BNIP1: variants seen among roughly 807,000 people sequenced by gnomAD.
BNIP1 encodes vesicle transport protein SEC20.
In BNIP1, 25 loss-of-function variants were observed where a neutral mutation model predicts 28.5. That is an observed-to-expected ratio of 0.88 (90% confidence interval 0.64 to 1.23). The LOEUF is 1.23. BNIP1 is among the 50% of genes most tolerant of loss of function. The pLI is 0.00. For missense variants in BNIP1, 276 were observed against 277.0 expected (o/e 1.00, Z 0.02); for synonymous variants, 118 against 101.7 (o/e 1.16, Z -0.96).
chr5:173,149,788 G>T (rs1022336029), intron 2 of BNIP1, among the ~76,000 whole-genome samples: 10 of 152,210 alleles, frequency 6.6e-5, no homozygotes, highest in African/African-American at 2.4e-4. Flanking sequence ...GCAGGAGCAA[G>T]AGAGAGATTG....
At chr5:173,160,499 G>T (rs1381445493) in intron 5 of BNIP1, among the ~76,000 whole-genome samples, 1 of 152,170 alleles carries the variant, frequency 6.6e-6, no homozygotes, top group Non-Finnish European at 1.5e-5. Context: ...CTCCCAAAGT[G>T]CTGGGATTAT....
At chr5:173,160,876 T>C in intron 5 of BNIP1, 1 of 456,264 alleles carries the variant, frequency 2.2e-6, no homozygotes, top group Non-Finnish European at 4.4e-6. Flanking sequence ...CTTGAGACCA[T>C]CTGGTTTCCT....
chr5:173,154,646 C>G (rs995802677), intron 3 of BNIP1, among the ~76,000 whole-genome samples: 1 of 152,092 alleles, frequency 6.6e-6, no homozygotes, highest in African/African-American at 2.4e-5. Context: ...CCTCAGCCTC[C>G]TGAGTAGCTG....
intron 2 of BNIP1, 136 bp downstream of exon 2, chr5:173,147,094 C>T: frequency 1.5e-6 from 1 of 652,300 alleles, no homozygotes. Flanking sequence ...TCTGTACTAA[C>T]CTGCTCTCCA....
In BNIP1 at chr5:173,146,855, A is replaced by T. The variant is rs762078545; in HGVS notation, c.85-11A>T. Reference sequence around the variant, plus strand: ...TTGAGAAAGGCCTTTCATCTGTTCAATGTCTCCTAGGATATCCGTGATTGT... The same window carrying T: ...TTGAGAAAGGCCTTTCATCTGTTCATTGTCTCCTAGGATATCCGTGATTGT... On this transcript the variant is annotated splice_polypyrimidine_tract_variant and intron_variant, in intron 1 of 5. Coordinates refer to ENST00000351486, the MANE Select transcript of BNIP1 (RefSeq NM_001205.3). 2 of 1,605,786 alleles carry T rather than the reference A, an allele frequency of 1.2e-6. No homozygotes were observed. The highest frequency in any genetic ancestry group is 2.2e-5 in the South Asian group (2 of 90,922).
chr5:173,146,531 G>T (rs1561592375), intron 1 of BNIP1, among the ~76,000 whole-genome samples: 2 of 152,160 alleles, frequency 1.3e-5, no homozygotes, highest in Non-Finnish European at 2.9e-5. Context: ...TATCACTTTT[G>T]CATGTCCATT....
chr5:173,154,172 T>C (rs1044537888), intron 2 of BNIP1, 150 bp from the exon 3 acceptor site: 7 of 599,554 alleles, frequency 1.2e-5, no homozygotes, highest in Non-Finnish European at 2.1e-5. Flanking sequence ...TAAAAGGATG[T>C]GTGTTATATG....
rs1760445156 is a variant in BNIP1, at chr5:173,164,148, C to T, written c.*227C>T. 2 of 399,038 alleles carry T rather than the reference C, an allele frequency of 5.0e-6. No homozygotes were observed. Among genetic ancestry groups the T allele is most frequent in the Non-Finnish European group, 8.9e-6 (2 of 225,968 alleles). The allele number at this position is 399,038 out of a possible 1,614,324, so 24.7% of individuals were successfully genotyped here. Reference sequence around the variant, plus strand: ...ATTGGGATGCCGCCCTGGGGACATACGAACCGCCTCCTTCCACCATTGTGC... The same window carrying T: ...ATTGGGATGCCGCCCTGGGGACATATGAACCGCCTCCTTCCACCATTGTGC... On this transcript the variant is annotated 3_prime_UTR_variant, in exon 6 of 6. Transcript: ENST00000351486. This position sits in a 1 kb window ranked among gnomAD's most constrained non-coding sequence, Gnocchi z 4.0.
At chr5:173,147,917 G>T (rs1452805061) in intron 2 of BNIP1, among the ~76,000 whole-genome samples, 1 of 150,550 alleles carries the variant, frequency 6.6e-6, no homozygotes, top group Non-Finnish European at 1.5e-5. Context: ...GCAAAAATTA[G>T]CTGGGCATGG....
chr5:173,156,854 T>C (rs1052940710), intron 3 of BNIP1, among the ~76,000 whole-genome samples: 1 of 151,510 alleles, frequency 6.6e-6, no homozygotes, highest in Non-Finnish European at 1.5e-5. Flanking sequence ...TTCTCCGTGT[T>C]AGCCAGGACG....
At chr5:173,160,239 CT>C (rs10693152) in intron 5 of BNIP1, among the ~76,000 whole-genome samples, 188 bp downstream of exon 5, 64 of 145,668 alleles carry the variant, frequency 4.4e-4, no homozygotes, top group Admixed American at 6.2e-4. Context: ...TCCTATTTCT[CT>C]TTTTTTTTTT....
In BNIP1 at chr5:173,146,880, T is replaced by C; in HGVS notation, c.99T>C (p.Cys33=). 6.2e-7 allele frequency: 1 copy of C among 1,613,768 alleles called. No homozygotes were observed. The highest frequency in any genetic ancestry group is 8.5e-7 in the Non-Finnish European group (1 of 1,179,678). The change falls in exon 2 of 6, where the codon TGT becomes TGC. Residue 33 remains cysteine (C), a synonymous_variant. Coordinates refer to ENST00000351486, the MANE Select transcript of BNIP1 (RefSeq NM_001205.3). ...ATGTCTCCTAGGATATCCGTGATTG[T>C]TCAGGACCCTTAAGTGCTCTTACTG... is the stretch of plus-strand genomic sequence containing the variant. ...VKALIQDIRD[C]SGPLSALTEL... is the part of the protein sequence containing the mutation.
intron 1 of BNIP1, among the ~76,000 whole-genome samples, chr5:173,145,234 C>G (rs1759798320): frequency 6.6e-6 from 1 of 152,126 alleles, no homozygotes. Flanking sequence ...AGGAATAACA[C>G]CTTAGAGTGT....
chr5:173,150,466 T>G (rs1180544279), intron 2 of BNIP1, among the ~76,000 whole-genome samples: 1 of 152,144 alleles, frequency 6.6e-6, no homozygotes, highest in African/African-American at 2.4e-5. Context: ...ATGTGTAATT[T>G]TTGCTATTGG....
chr5:173,154,558 T>C (rs948992323), intron 3 of BNIP1, 145 bp downstream of exon 3: 3 of 637,860 alleles, frequency 4.7e-6, no homozygotes, highest in African/African-American at 1.9e-5. Flanking sequence ...TGTCTCGCTC[T>C]ATTGCCCAGG....
intron 2 of BNIP1, among the ~76,000 whole-genome samples, chr5:173,152,475 G>A (rs1337299040): frequency 4.0e-5 from 6 of 151,582 alleles, no homozygotes; most frequent in Non-Finnish European, 7.4e-5. Context: ...TCAGCCTCCC[G>A]AGTACCTGGG....
chr5:173,164,241 C>G lies in BNIP1; in HGVS notation c.*320C>G. 4.4e-6 allele frequency: 1 copy of G among 228,376 alleles called. No homozygotes were observed. Among genetic ancestry groups the G allele is most frequent in the Non-Finnish European group, 8.5e-6 (1 of 118,038 alleles). The allele number at this position is 228,376 out of a possible 1,614,324, so 14.1% of individuals were successfully genotyped here. On this transcript the variant is annotated 3_prime_UTR_variant, in exon 6 of 6. Coordinates refer to ENST00000351486, the MANE Select transcript of BNIP1 (RefSeq NM_001205.3). This position sits in a 1 kb window ranked among gnomAD's most constrained non-coding sequence, Gnocchi z 4.0. ...CTCCAGGACCGGATGCCCCTCCTGT[C>G]TCCCGCTCCCATCGTGCCCTTAAAT...
At chr5:173,156,584 G>A (rs139258678) in intron 3 of BNIP1, among the ~76,000 whole-genome samples, 15 of 144,838 alleles carry the variant, frequency 1.0e-4, no homozygotes, top group African/African-American at 3.8e-4. Flanking sequence ...CAAGGCTGCA[G>A]TGAGCCGTGA....
At chr5:173,160,082 C>T (rs1168554058) in intron 5 of BNIP1, 31 bp downstream of exon 5, 7 of 1,598,064 alleles carry the variant, frequency 4.4e-6, no homozygotes, top group Non-Finnish European at 6.0e-6. Context: ...GGAAGCTTCT[C>T]CCAGAGACGC....
Sources: gnomAD v4.1 joint callset for allele counts (sites outside exome capture counted in the v4.1 genomes callset) on GRCh38, gnomAD v4.1.1 for gene constraint, Gnocchi (gnomAD v3.1) non-coding constraint, MANE v1.5 for transcripts, NCBI Gene and HGNC (gene_info 2026-07-23, HGNC 2026-07-21) for gene names.